The following ARNT2 variants were observed in gnomAD, a reference collection of about 807,000 sequenced individuals.
ARNT2 encodes aryl hydrocarbon receptor nuclear translocator 2.
A neutral mutation model predicts 91.7 loss-of-function variants in ARNT2; 36 were observed. The ratio of observed to expected loss-of-function variants is 0.39; its 90% CI spans 0.30 to 0.52. The LOEUF is 0.52. Among genes scored for constraint, ARNT2 ranks in the 20% least tolerant of loss-of-function variants. The probability of loss-of-function intolerance (pLI) is 0.72; values close to 1 mark genes in which losing one functional copy is unlikely to be tolerated. For synonymous variants in ARNT2, 365 were observed against 347.1 expected (o/e 1.05, Z -0.57); for missense variants, 775 against 939.3 (o/e 0.83, Z 2.29).
intron 1 of ARNT2, among the ~76,000 whole-genome samples, chr15:80,440,049 A>G (rs761001649): frequency 3.9e-5 from 6 of 152,132 alleles, no homozygotes; most frequent in African/African-American, 1.2e-4. Context: ...CCCTAGACTC[A>G]GGTCTTGGTA....
chr15:80,430,845 C>T (rs147546662), intron 1 of ARNT2, among the ~76,000 whole-genome samples: 2 of 152,290 alleles, frequency 1.3e-5, no homozygotes, highest in Non-Finnish European at 2.9e-5. Flanking sequence ...GCAGTGGGCA[C>T]AGATATGCAA....
chr15:80,407,746 T>C (rs1595949685), intron 1 of ARNT2, among the ~76,000 whole-genome samples: 1 of 152,202 alleles, frequency 6.6e-6, no homozygotes, highest in South Asian at 2.1e-4. Context: ...TGCTGCCTTT[T>C]TGAATGACAT....
chr15:80,561,833 G>A (rs112513295), intron 11 of ARNT2, among the ~76,000 whole-genome samples: 2,429 of 152,226 alleles, frequency 0.016, 58 homozygotes, highest in African/African-American at 0.056. Context: ...CTTAATAATA[G>A]CCCCAAAGTG....
intron 1 of ARNT2, among the ~76,000 whole-genome samples, chr15:80,431,575 G>A (rs189219058): frequency 3.3e-5 from 5 of 152,314 alleles, no homozygotes; most frequent in Admixed American, 2.0e-4. Flanking sequence ...GGAGTGGGCC[G>A]GAAGATAGTC....
chr15:80,490,610 C>T (rs575582240), intron 5 of ARNT2, among the ~76,000 whole-genome samples: 2 of 152,328 alleles, frequency 1.3e-5, no homozygotes, highest in African/African-American at 4.8e-5. Flanking sequence ...GGATGCAGAC[C>T]CCGCCCCACA....
chr15:80,421,407 G>GAA (rs3974429), intron 1 of ARNT2, among the ~76,000 whole-genome samples: 1 of 132,386 alleles, frequency 7.6e-6, no homozygotes. Flanking sequence ...AGAAAGAAAA[G>GAA]AAAGGAAGGA....
chr15:80,436,948 G>A (rs1377750818), intron 1 of ARNT2, among the ~76,000 whole-genome samples: 2 of 152,074 alleles, frequency 1.3e-5, no homozygotes, highest in Non-Finnish European at 2.9e-5. Context: ...TTCTGCATCC[G>A]TCCCACTGAT....
At chr15:80,444,059 A>G (rs1336074672) in intron 1 of ARNT2, among the ~76,000 whole-genome samples, 1 of 152,208 alleles carries the variant, frequency 6.6e-6, no homozygotes, top group Non-Finnish European at 1.5e-5. Context: ...AAATGTGGCA[A>G]ACCCTCAGCT....
chr15:80,430,083 G>C (rs531632819), intron 1 of ARNT2, among the ~76,000 whole-genome samples: 7 of 152,254 alleles, frequency 4.6e-5, no homozygotes, highest in Non-Finnish European at 1.0e-4. Flanking sequence ...CTCTCAGAAG[G>C]CTTCCCTAGG....
At chr15:80,476,104 A>C (rs186173926) in intron 5 of ARNT2, among the ~76,000 whole-genome samples, 1 of 152,388 alleles carries the variant, frequency 6.6e-6, no homozygotes, top group East Asian at 1.9e-4. Flanking sequence ...TATACATCTT[A>C]CCACACATAT....
chr15:80,596,897 G>C lies in ARNT2; in HGVS notation c.*3199G>C, dbSNP rs1359885171. ...AACAGGATGGCCAAGGATGGCTCTA[G>C]AACACTCTGTCCATGCGTCACTCCC... On this transcript the variant is annotated 3_prime_UTR_variant, in exon 19 of 19. Coordinates refer to ENST00000303329, the MANE Select transcript of ARNT2 (RefSeq NM_014862.4). 5.7e-6 allele frequency: 2 copies of C among 349,362 alleles called. No individual in the cohort carries two copies. The highest frequency in any genetic ancestry group is 1.1e-5 in the Non-Finnish European group (2 of 176,796). The allele number at this position is 349,362 out of a possible 1,614,324, so 21.6% of individuals were successfully genotyped here.
At chr15:80,445,518 TGTG>T (rs974061486) in intron 1 of ARNT2, among the ~76,000 whole-genome samples, 17 of 151,072 alleles carry the variant, frequency 1.1e-4, no homozygotes, top group Admixed American at 6.6e-4. Context: ...TGTGTGTTGA[TGTG>T]ATGATGTGTG....
chr15:80,404,402 T>G lies in ARNT2; in HGVS notation c.-114T>G. 1 of 593,462 alleles carries G rather than the reference T, an allele frequency of 1.7e-6. No individual in the cohort carries two copies. Among genetic ancestry groups the G allele is most frequent in the Non-Finnish European group, 2.2e-6 (1 of 464,624 alleles). 36.8% of individuals were successfully genotyped at this position (593,462 alleles called of 1,614,324 possible). ...GGAGCGCCGCCCGCCCGCGCCGTCC[T>G]TTGTGTGGCGGCGGCGGCGCCTGGG... On this transcript the variant is annotated 5_prime_UTR_variant, in exon 1 of 19. Coordinates refer to ENST00000303329, the MANE Select transcript of ARNT2 (RefSeq NM_014862.4). This position sits in a 1 kb window ranked among gnomAD's most constrained non-coding sequence, Gnocchi z 5.5.
chr15:80,581,078 C>T (rs1239664331), intron 16 of ARNT2, 161 bp from the exon 17 acceptor site: 2 of 819,656 alleles, frequency 2.4e-6, no homozygotes, highest in Non-Finnish European at 3.8e-6. Flanking sequence ...CCCTCACACA[C>T]CGGGCTGATC....
chr15:80,476,756 A>C (rs1405891017), intron 5 of ARNT2, among the ~76,000 whole-genome samples: 1 of 152,270 alleles, frequency 6.6e-6, no homozygotes, highest in Non-Finnish European at 1.5e-5. Context: ...GAGGCTGGGC[A>C]TTCAGTGTCC....
At position 80,592,296 on chromosome 15, in the gene ARNT2, C is replaced by T. The variant is rs902158972; in HGVS notation, c.2055+592C>T. ...GCTGGGGATGGCACTGCTGCAGCCC[C>T]ACAGAGCAGGCCCCTGCCCTTTGTG... On this transcript the variant is annotated intron_variant, in intron 18 of 18. Transcript: ENST00000303329. Among the ~76,000 whole-genome samples the T allele has an allele frequency of 7.2e-5, 11 of 152,348 alleles. 1 individual carries two copies. In the East Asian group the frequency reaches 1.5e-3, roughly 21 times the overall value.
intron 6 of ARNT2, among the ~76,000 whole-genome samples, chr15:80,513,343 T>G (rs1006620861): frequency 3.3e-5 from 5 of 152,154 alleles, no homozygotes; most frequent in African/African-American, 1.2e-4. Context: ...CTCTACCTGT[T>G]TATCTCTCAT....
At chr15:80,587,364 A>G (rs1893192030) in intron 17 of ARNT2, among the ~76,000 whole-genome samples, 1 of 151,720 alleles carries the variant, frequency 6.6e-6, no homozygotes, top group South Asian at 2.1e-4. Context: ...TATGATAATG[A>G]CAAGTGTTTC....
At chr15:80,412,138 G>T (rs1001255367) in intron 1 of ARNT2, among the ~76,000 whole-genome samples, 2 of 152,322 alleles carry the variant, frequency 1.3e-5, no homozygotes, top group Admixed American at 1.3e-4. Context: ...TTGCAGATAA[G>T]CAGAGACTCT....
Sources: allele counts gnomAD v4.1 joint callset (sites outside exome capture counted in the v4.1 genomes callset), GRCh38; gene constraint gnomAD v4.1.1; non-coding constraint Gnocchi (gnomAD v3.1); transcripts MANE v1.5; gene names NCBI Gene and HGNC (gene_info 2026-07-23, HGNC 2026-07-21).